WNK2: variants seen among roughly 807,000 people sequenced by gnomAD.
WNK2 encodes serine/threonine-protein kinase WNK2.
Under a neutral mutation model 192.1 loss-of-function variants are expected in WNK2, and 67 were observed. The ratio of observed to expected loss-of-function variants is 0.35; its 90% CI spans 0.29 to 0.43. WNK2 has a LOEUF of 0.43. Among genes scored for constraint, WNK2 ranks in the 20% least tolerant of loss-of-function variants. The pLI is 1.00. For synonymous variants in WNK2, 1,439 were observed against 1,393.9 expected, an observed-to-expected ratio of 1.03 and a Z score of -0.72; for missense variants, 2,698 against 3,089.7, an observed-to-expected ratio of 0.87 and a Z score of 3.01.
At chr9:93,288,623 T>C (rs999709630) in intron 19 of WNK2, among the ~76,000 whole-genome samples, 165 bp from the exon 20 acceptor site, 2 of 152,194 alleles carry the variant, frequency 1.3e-5, no homozygotes, top group African/African-American at 4.8e-5. Context: ...CAGCCAAGGC[T>C]GGGCTGAGCT....
Position 93,229,825 on chromosome 9 carries a change from A to G in WNK2, c.811A>G (p.Ile271Val). The G allele has an allele frequency of 6.2e-7, 1 of 1,613,930 alleles. No homozygotes were observed. Among genetic ancestry groups the G allele is most frequent in the Non-Finnish European group, 8.5e-7 (1 of 1,179,882 alleles). Reference protein sequence around the residue: ...WESSAKGKRCIVLVTELMTSG... With the variant: ...WESSAKGKRCVVLVTELMTSG... ...GTCCAGCGCCAAGGGCAAGCGGTGC[A>G]TTGTGCTGGTGACGGAGCTGATGAC... Residue 271 changes from isoleucine (I) to valine (V), a missense_variant, in exon 3 of 30, where the codon ATT becomes GTT. Around this residue, in one of 7 missense-constraint regions of WNK2, gnomAD observed 230 missense variants for 501.1 expected, o/e 0.46. Transcript: ENST00000427277. This position sits in a 1 kb window ranked among gnomAD's most constrained non-coding sequence, Gnocchi z 4.9.
At chr9:93,318,486 G>A in intron 29 of WNK2, 1 of 1,614,106 alleles carries the variant, frequency 6.2e-7, no homozygotes. Flanking sequence ...TTGTTGCGCT[G>A]GGCCATGAGA....
Position 93,247,071 on chromosome 9 carries a change from T to C in WNK2, c.1543-472T>C, listed in dbSNP as rs553403430. On this transcript the variant is annotated intron_variant, in intron 7 of 29. Transcript: ENST00000427277. The surrounding 1 kb of genome is among the most constrained non-coding windows in gnomAD (Gnocchi z 5.2). ...AGTGCATACCTTACTGGTCCCTAAT[T>C]ACAAAACGCATGTCCTTCCTCCATC... Among the ~76,000 whole-genome samples the C allele has an allele frequency of 2.6e-5, 4 of 152,326 alleles. No individual in the cohort carries two copies. The East Asian group carries it at 7.7e-4, about 29-fold the overall frequency.
At chr9:93,319,628 C>T (rs2134512201) in intron 29 of WNK2, among the ~76,000 whole-genome samples, 1 of 152,360 alleles carries the variant, frequency 6.6e-6, no homozygotes, top group South Asian at 2.1e-4. Flanking sequence ...CTTGCTGCAG[C>T]CCCTGGGGCC....
chr9:93,312,767 C>G (rs901424502), intron 28 of WNK2, among the ~76,000 whole-genome samples: 14 of 152,120 alleles, frequency 9.2e-5, no homozygotes, highest in Non-Finnish European at 1.8e-4. Flanking sequence ...GGTCTTGGCC[C>G]CCTTGTGGAG....
At chr9:93,202,325 C>CTGTGTGT (rs1554679105) in intron 2 of WNK2, among the ~76,000 whole-genome samples, 1 of 130,564 alleles carries the variant, frequency 7.7e-6, no homozygotes, top group African/African-American at 2.7e-5. Flanking sequence ...TCCGTGTGCA[C>CTGTGTGT]GTGTGTGTGT....
intron 7 of WNK2, among the ~76,000 whole-genome samples, chr9:93,243,960 A>G (rs1473241370): frequency 6.6e-6 from 1 of 152,234 alleles, no homozygotes; most frequent in Non-Finnish European, 1.5e-5. Flanking sequence ...GGCCGGGTGC[A>G]GTCACTCATG....
At chr9:93,319,161 AAT>A (rs540163220) in intron 29 of WNK2, 404 of 1,614,026 alleles carry the variant, frequency 2.5e-4, no homozygotes, top group Non-Finnish European at 3.2e-4. Context: ...CGGAATCCCC[AAT>A]AGATTGTATA....
intron 29 of WNK2, chr9:93,318,360 C>T (rs1255970754): frequency 1.2e-6 from 2 of 1,605,194 alleles, no homozygotes; most frequent in African/African-American, 1.3e-5. Context: ...GCTAGGTGAG[C>T]CCTGCTTTGT....
Position 93,289,119 on chromosome 9 carries a change from T to A in WNK2, c.4365T>A (p.Pro1455=). ...AGCCCCTCGTGGTGGGCCTAGCACC[T>A]TGCACTCCAGCTCCAGAGGCTGCCT... ...AVQPLVVGLA[P]CTPAPEAAST... The change falls in exon 20 of 30, where the codon CCT becomes CCA. Residue 1455 remains proline (P), a synonymous_variant. Coordinates refer to ENST00000427277, the MANE Select transcript of WNK2 (RefSeq NM_006648.4). 6.2e-7 allele frequency: 1 copy of A among 1,604,882 alleles called. No homozygotes were observed. Among genetic ancestry groups the A allele is most frequent in the East Asian group, 2.2e-5 (1 of 44,612 alleles).
intron 9 of WNK2, among the ~76,000 whole-genome samples, chr9:93,254,207 G>A (rs1415092710): frequency 6.6e-6 from 1 of 152,202 alleles, no homozygotes; most frequent in African/African-American, 2.4e-5. Flanking sequence ...GTGAGTCACT[G>A]CACCCAGCCT....
chr9:93,233,621 C>G (rs111383196), intron 4 of WNK2, among the ~76,000 whole-genome samples: 87 of 147,064 alleles, frequency 5.9e-4, no homozygotes, highest in African/African-American at 1.9e-3. Context: ...TTGCTTGAAC[C>G]TGGGTGGGAG....
chr9:93,317,543 G>A lies in WNK2; in HGVS notation c.6540G>A (p.Val2180=). 1 of 1,613,674 alleles carries A rather than the reference G, an allele frequency of 6.2e-7. No homozygotes were observed. Among genetic ancestry groups the A allele is most frequent in the East Asian group, 2.2e-5 (1 of 44,866 alleles). ...AGATGACCGCACCTCGAGCAGGAGT[G>A]GGGATGCCACGTCTGCCCCCAGCGC... ...ARAMTAPRAG[V]GMPRLPPAPG... The change falls in exon 29 of 30, where the codon GTG becomes GTA. Residue 2180 remains valine, a synonymous_variant. Coordinates refer to ENST00000427277, the MANE Select transcript of WNK2 (RefSeq NM_006648.4).
intron 2 of WNK2, among the ~76,000 whole-genome samples, chr9:93,192,325 A>G (rs199988947): frequency 1.9e-4 from 29 of 151,866 alleles, no homozygotes; most frequent in Non-Finnish European, 3.7e-4. Flanking sequence ...AAAAAAAAAA[A>G]AGAGAGAGAG....
At chr9:93,269,064 C>A in intron 19 of WNK2, 1 of 944,336 alleles carries the variant, frequency 1.1e-6, no homozygotes, top group Non-Finnish European at 1.6e-6. Flanking sequence ...ACTCCTTGCT[C>A]CTGTCCCTTT....
Position 93,292,555 on chromosome 9 carries a change from G to C in WNK2, c.5090G>C (p.Gly1697Ala), listed in dbSNP as rs749013927. The C allele has an allele frequency of 2.5e-6, 4 of 1,571,074 alleles. No homozygotes were observed. The highest frequency in any genetic ancestry group is 1.4e-5 in the African/African-American group (1 of 73,842). The change falls in exon 23 of 30, where the codon GGA (glycine) becomes GCA (alanine). Residue 1697 changes from glycine (G) to alanine (A), a missense_variant. Gly to Ala is a moderately conservative substitution (Grantham distance 60). Around this residue, in one of 7 missense-constraint regions of WNK2, gnomAD observed 1,098 missense variants for 1,101.0 expected, o/e 1.00. Transcript: ENST00000427277. ...ACAGACAGGGATGGTGGAGAAGCTG[G>C]AGAAAGCTCGGCAGAGCCCCCGCCG... is the stretch of plus-strand genomic sequence containing the variant. Reference protein sequence around the residue: ...EPTDRDGGEAGESSAEPPPSD... With the variant: ...EPTDRDGGEAAESSAEPPPSD...
intron 8 of WNK2, 69 bp from the exon 9 acceptor site, chr9:93,252,814 G>C: frequency 7.7e-7 from 1 of 1,297,614 alleles, no homozygotes; most frequent in Non-Finnish European, 1.0e-6. Flanking sequence ...AAAATATGCA[G>C]ATGAGCCAAT....
chr9:93,299,087 A>C lies in WNK2; in HGVS notation c.5941A>C (p.Ser1981Arg). Reference sequence around the variant, plus strand: ...CCGCCCAGGTCACTTGGCTGACTCCAGCAGAGGCCCTCCCGCTAAGGACCC... The same window carrying C: ...CCGCCCAGGTCACTTGGCTGACTCCCGCAGAGGCCCTCCCGCTAAGGACCC... The part of the protein sequence containing the change: ...ASSTGHLADS[S>R]RGPPAKDPAQ... The change falls in exon 25 of 30, where the codon AGC becomes CGC. Residue 1981 changes from serine (S) to arginine (R), a missense_variant. Transcript: ENST00000427277. The C allele has an allele frequency of 6.2e-7, 1 of 1,610,552 alleles. No individual in the cohort carries two copies. The highest frequency in any genetic ancestry group is 8.5e-7 in the Non-Finnish European group (1 of 1,179,448).
chr9:93,189,854 G>A (rs1002698678), intron 2 of WNK2, among the ~76,000 whole-genome samples: 6 of 152,324 alleles, frequency 3.9e-5, no homozygotes, highest in Admixed American at 3.3e-4. Flanking sequence ...TTAGAGGCCC[G>A]GCTGCCAGCC....
Sources: gnomAD v4.1 joint callset for allele counts (sites outside exome capture counted in the v4.1 genomes callset) on GRCh38, gnomAD v4.1.1 for gene constraint, gnomAD v4.1.1 regional missense constraint, Gnocchi (gnomAD v3.1) non-coding constraint, MANE v1.5 for transcripts, NCBI Gene and HGNC (gene_info 2026-07-23, HGNC 2026-07-21) for gene names.